The following THBS4 variants were observed in gnomAD, a reference collection of about 807,000 sequenced individuals.
The protein encoded by THBS4 is thrombospondin-4.
A neutral mutation model predicts 115.7 loss-of-function variants in THBS4; 90 were observed. The observed-to-expected ratio is 0.78, with a 90% CI of 0.66 to 0.93. THBS4 has a LOEUF of 0.93. Among genes scored for constraint, THBS4 ranks in the 40% least tolerant of loss-of-function variants. The pLI is 0.00. For synonymous variants in THBS4, 460 were observed against 479.3 expected, an observed-to-expected ratio of 0.96 and a Z score of 0.53; for missense variants, 1,087 against 1,232.7, an observed-to-expected ratio of 0.88 and a Z score of 1.77.
At chr5:80,082,570 C>T (rs1743572350) in intron 21 of THBS4, 25 bp downstream of exon 21, 2 of 1,612,316 alleles carry the variant, frequency 1.2e-6, no homozygotes, top group Non-Finnish European at 1.7e-6. Flanking sequence ...CGTTACTGTT[C>T]AACATTGTTA....
Position 80,011,184 on chromosome 5 carries a change from C to T in THBS4, n.177+12757C>T, listed in dbSNP as rs183204074. ...TTTGCCTGCTGCCATCCATGTAAGA[C>T]GTGACTTGCTTCTCCTTGCCTTCTG... is the stretch of plus-strand genomic sequence containing the variant. On this transcript the variant is annotated intron_variant and non_coding_transcript_variant, in intron 2 of 3. Coordinates refer to the THBS4 transcript ENST00000510218. Among the ~76,000 whole-genome samples, 189 of 152,334 alleles carry T rather than the reference C, an allele frequency of 1.2e-3. 1 individual carries two copies. Among genetic ancestry groups the T allele is most frequent in the Non-Finnish European group, 2.3e-3 (154 of 68,030 alleles).
At chr5:80,047,809 G>A (rs1176148848) in intron 2 of THBS4, among the ~76,000 whole-genome samples, 1 of 151,414 alleles carries the variant, frequency 6.6e-6, no homozygotes, top group Non-Finnish European at 1.5e-5. Flanking sequence ...AATTTTTTTT[G>A]TTGTTGTCGT....
chr5:80,066,965 G>A (rs181604573), intron 9 of THBS4: 1 of 152,338 alleles, frequency 6.6e-6, no homozygotes, highest in Admixed American at 6.5e-5. Flanking sequence ...GCATGCATTG[G>A]ATTTGGCAAC....
At chr5:80,041,118 C>T (rs563650845) in intron 2 of THBS4, among the ~76,000 whole-genome samples, 1 of 152,318 alleles carries the variant, frequency 6.6e-6, no homozygotes, top group East Asian at 1.9e-4. Context: ...CGAGTTTTGA[C>T]AGGGACAGAC....
At chr5:80,080,983 C>A (rs1007291778) in intron 20 of THBS4, among the ~76,000 whole-genome samples, 2 of 152,156 alleles carry the variant, frequency 1.3e-5, no homozygotes, top group African/African-American at 4.8e-5. Flanking sequence ...CCAAAGTAGT[C>A]TGACTTCTTT....
chr5:80,058,682 C>T (rs890934663), intron 4 of THBS4, 26 bp from the exon 5 acceptor site: 1 of 1,611,198 alleles, frequency 6.2e-7, no homozygotes, highest in Non-Finnish European at 8.5e-7. Context: ...TGGCTGAAAA[C>T]TCTTTGCCTT....
At chr5:80,078,614 C>A (rs1475593330) in intron 17 of THBS4, among the ~76,000 whole-genome samples, 1 of 152,212 alleles carries the variant, frequency 6.6e-6, no homozygotes, top group Non-Finnish European at 1.5e-5. Context: ...TCCAGAGTCA[C>A]AGAGCAAGTC....
chr5:79,997,855 A>G (rs1430255873), intron 1 of THBS4, among the ~76,000 whole-genome samples: 1 of 152,256 alleles, frequency 6.6e-6, no homozygotes, highest in African/African-American at 2.4e-5. Context: ...TAACAGTAAA[A>G]TCTCCAAAAA....
Position 80,070,643 on chromosome 5 carries a change from G to T in THBS4, c.1453G>T (p.Asp485Tyr), listed in dbSNP as rs796474840. 6.2e-6 allele frequency: 10 copies of T among 1,614,062 alleles called. No homozygotes were observed. Among genetic ancestry groups the T allele is most frequent in the Non-Finnish European group, 8.5e-6 (10 of 1,179,952 alleles). Reference sequence around the variant, plus strand: ...CTCGGAACTGCATTTTCCCCCTAAGGACAACTGCAAATATGTGCCAAATTC... The same window carrying T: ...CTCGGAACTGCATTTTCCCCCTAAGTACAACTGCAAATATGTGCCAAATTC... The part of the protein sequence containing the change: ...LPCSARNCKK[D>Y]NCKYVPNSGQ... The change falls in exon 12 of 22, where the codon GAC (aspartate) becomes TAC (tyrosine). Residue 485 changes from aspartate to tyrosine, a missense_variant and splice_region_variant. Around this residue, in one of 3 missense-constraint regions of THBS4, gnomAD observed 979 missense variants for 1,103.7 expected, o/e 0.89. Coordinates refer to ENST00000350881, the MANE Select transcript of THBS4 (RefSeq NM_003248.6).
At chr5:80,028,585 A>G (rs1007819137) in intron 2 of THBS4, among the ~76,000 whole-genome samples, 22 of 151,888 alleles carry the variant, frequency 1.4e-4, no homozygotes, top group African/African-American at 4.6e-4. Flanking sequence ...CAGCCTCCCA[A>G]GTAGCTGGGA....
At chr5:80,079,823 C>T (rs552507897) in intron 19 of THBS4, 82 bp from the exon 20 acceptor site, 14 of 1,429,286 alleles carry the variant, frequency 9.8e-6, no homozygotes, top group African/African-American at 1.4e-5. Flanking sequence ...TGACTATAAC[C>T]TGGATCATCA....
At chr5:80,007,926 A>C (rs1832049774) in intron 2 of THBS4, among the ~76,000 whole-genome samples, 1 of 152,230 alleles carries the variant, frequency 6.6e-6, no homozygotes, top group Non-Finnish European at 1.5e-5. Flanking sequence ...AAGGCAATAG[A>C]TGCTCCTACA....
chr5:79,993,098 G>GACACATA (rs1831719634), intron 1 of THBS4, among the ~76,000 whole-genome samples: 1 of 152,138 alleles, frequency 6.6e-6, no homozygotes, highest in Non-Finnish European at 1.5e-5. Flanking sequence ...ATTCTTAGTG[G>GACACATA]ACACATAACA....
chr5:80,078,732 T>A (rs1297777729), intron 17 of THBS4, 189 bp from the exon 18 acceptor site: 4 of 528,736 alleles, frequency 7.6e-6, no homozygotes, highest in African/African-American at 1.9e-5. Flanking sequence ...AGCTTTTTTT[T>A]AACCTTTACA....
intron 2 of THBS4, among the ~76,000 whole-genome samples, chr5:80,009,410 CAT>C (rs778175747): frequency 1.3e-5 from 2 of 152,150 alleles, no homozygotes; most frequent in Non-Finnish European, 2.9e-5. Context: ...CCCAAGAAAA[CAT>C]ATGAATTTAT....
intron 1 of THBS4, among the ~76,000 whole-genome samples, chr5:79,997,767 C>T (rs1831824341): frequency 6.6e-6 from 1 of 152,050 alleles, no homozygotes. Context: ...CAAACCTCAA[C>T]AAAAGTTTTT....
At chr5:80,019,917 A>T (rs1832329842) in intron 2 of THBS4, 1 of 155,372 alleles carries the variant, frequency 6.4e-6, no homozygotes, top group Admixed American at 6.5e-5. Flanking sequence ...CAAAGTATGG[A>T]CACCAGAAAA....
intron 2 of THBS4, among the ~76,000 whole-genome samples, chr5:80,049,896 G>A (rs1479693516): frequency 6.6e-6 from 1 of 152,226 alleles, no homozygotes. Flanking sequence ...CGTGCAGAAA[G>A]AGACCTAAAG....
At chr5:79,992,706 T>C (rs1460659023) in intron 1 of THBS4, among the ~76,000 whole-genome samples, 1 of 152,160 alleles carries the variant, frequency 6.6e-6, no homozygotes. Flanking sequence ...CTCGGGAGTT[T>C]ACAGTGCACA....
Sources: allele counts gnomAD v4.1 joint callset (sites outside exome capture counted in the v4.1 genomes callset), GRCh38; gene constraint gnomAD v4.1.1; regional missense constraint gnomAD v4.1.1; transcripts MANE v1.5; gene names NCBI Gene and HGNC (gene_info 2026-07-23, HGNC 2026-07-21).